CDKAL1: variants seen among roughly 807,000 people sequenced by gnomAD.
CDKAL1 encodes threonylcarbamoyladenosine tRNA methylthiotransferase.
A neutral mutation model predicts 68.2 loss-of-function variants in CDKAL1; 32 were observed. That is an observed-to-expected ratio of 0.47 (90% CI 0.35 to 0.63). CDKAL1 has a LOEUF of 0.63. Among genes scored for constraint, CDKAL1 ranks in the 30% least tolerant of loss-of-function variants. CDKAL1 has a pLI of 0.00. For missense variants in CDKAL1, 606 were observed against 696.7 expected, an observed-to-expected ratio of 0.87 and a Z score of 1.47; for synonymous variants, 234 against 244.3, an observed-to-expected ratio of 0.96 and a Z score of 0.39.
chr6:21,119,965 T>C (rs1774624812), intron 13 of CDKAL1, among the ~76,000 whole-genome samples: 2 of 152,216 alleles, frequency 1.3e-5, no homozygotes. Context: ...AGAGAGGCTT[T>C]TTTGTCCTGT....
intron 10 of CDKAL1, among the ~76,000 whole-genome samples, chr6:20,991,999 T>TTATACTTTTCCCCCACC (rs1766838414): frequency 6.7e-6 from 1 of 149,978 alleles, no homozygotes. Flanking sequence ...TAAGGAATTT[T>TTATACTTTTCCCCCACC]TATACTTTTC....
chr6:20,773,301 T>C (rs755005362), intron 7 of CDKAL1, among the ~76,000 whole-genome samples: 12 of 152,176 alleles, frequency 7.9e-5, no homozygotes, highest in Non-Finnish European at 1.5e-4. Flanking sequence ...TTCTAAGAAG[T>C]ACCTGTATAT....
intron 8 of CDKAL1, among the ~76,000 whole-genome samples, chr6:20,796,847 C>T (rs769918574): frequency 1.6e-4 from 24 of 152,168 alleles, no homozygotes; most frequent in Non-Finnish European, 2.5e-4. Context: ...CAAAAGGGAT[C>T]CAAGTTCAAA....
intron 9 of CDKAL1, among the ~76,000 whole-genome samples, chr6:20,886,713 T>C (rs1178628884): frequency 6.6e-6 from 1 of 152,044 alleles, no homozygotes; most frequent in Non-Finnish European, 1.5e-5. Context: ...AAGAAGTAGA[T>C]TAGAGGTTAC....
chr6:21,003,770 A>G (rs1373425122), intron 11 of CDKAL1, among the ~76,000 whole-genome samples: 1 of 152,092 alleles, frequency 6.6e-6, no homozygotes, highest in Non-Finnish European at 1.5e-5. Flanking sequence ...TCCAGCCTTT[A>G]TTAAAATTCA....
intron 12 of CDKAL1, among the ~76,000 whole-genome samples, chr6:21,097,837 T>C (rs903819429): frequency 6.6e-6 from 1 of 152,252 alleles, no homozygotes; most frequent in Non-Finnish European, 1.5e-5. Flanking sequence ...ACAATGATTG[T>C]CTTGAAGTAC....
chr6:20,753,736 A>T (rs1774036266), intron 6 of CDKAL1, among the ~76,000 whole-genome samples: 1 of 149,364 alleles, frequency 6.7e-6, no homozygotes, highest in Non-Finnish European at 1.5e-5. Flanking sequence ...TAATGCTATT[A>T]TGAACATTTG....
At chr6:20,541,393 C>T (rs1353254491) in intron 2 of CDKAL1, among the ~76,000 whole-genome samples, 1 of 152,156 alleles carries the variant, frequency 6.6e-6, no homozygotes, top group African/African-American at 2.4e-5. Flanking sequence ...TCTTATTAGG[C>T]TTCATTCCTT....
At chr6:20,779,481 T>A (rs939000311) in intron 7 of CDKAL1, among the ~76,000 whole-genome samples, 2 of 152,230 alleles carry the variant, frequency 1.3e-5, no homozygotes, top group Non-Finnish European at 2.9e-5. Flanking sequence ...AACACTTACA[T>A]CACCCCCCAA....
At chr6:20,995,266 A>G (rs1767040622) in intron 10 of CDKAL1, among the ~76,000 whole-genome samples, 1 of 152,068 alleles carries the variant, frequency 6.6e-6, no homozygotes, top group Non-Finnish European at 1.5e-5. Context: ...GTTTATATTG[A>G]TATTTTGTTC....
intron 4 of CDKAL1, among the ~76,000 whole-genome samples, chr6:20,569,230 A>G (rs1764601794): frequency 6.6e-6 from 1 of 152,218 alleles, no homozygotes; most frequent in Non-Finnish European, 1.5e-5. Flanking sequence ...AGACACTTTT[A>G]TGAGCCTCAC....
intron 12 of CDKAL1, among the ~76,000 whole-genome samples, chr6:21,094,315 A>G (rs909444479): frequency 2.6e-5 from 4 of 152,216 alleles, no homozygotes; most frequent in Admixed American, 6.5e-5. Flanking sequence ...TAAACTAAAA[A>G]GAGTTGAAGG....
intron 9 of CDKAL1, among the ~76,000 whole-genome samples, chr6:20,940,023 A>C (rs1763896651): frequency 6.6e-6 from 1 of 152,192 alleles, no homozygotes; most frequent in Non-Finnish European, 1.5e-5. Flanking sequence ...CAAAACTTTG[A>C]AGTATAGTTT....
chr6:21,011,297 T>C (rs2150840616), intron 11 of CDKAL1, among the ~76,000 whole-genome samples: 1 of 151,426 alleles, frequency 6.6e-6, no homozygotes, highest in Non-Finnish European at 1.5e-5. Flanking sequence ...TGCAGGAGAA[T>C]GGTGTGAACC....
chr6:20,923,326 C>T (rs1168026305), intron 9 of CDKAL1, among the ~76,000 whole-genome samples: 1 of 152,138 alleles, frequency 6.6e-6, no homozygotes, highest in Non-Finnish European at 1.5e-5. Context: ...TTGTGTCAAC[C>T]GTGCTTCAAG....
At chr6:21,019,914 T>A (rs1047085075) in intron 11 of CDKAL1, among the ~76,000 whole-genome samples, 3 of 152,018 alleles carry the variant, frequency 2.0e-5, no homozygotes, top group Non-Finnish European at 4.4e-5. Context: ...CTTTTTTTTT[T>A]ATACAGTGGC....
At chr6:20,817,151 G>A (rs552059091) in intron 8 of CDKAL1, among the ~76,000 whole-genome samples, 1 of 152,206 alleles carries the variant, frequency 6.6e-6, no homozygotes, top group South Asian at 2.1e-4. Context: ...GGTATAGTTG[G>A]AAGTAGAGCT....
chr6:20,962,100 T>G (rs1259961727), intron 10 of CDKAL1, among the ~76,000 whole-genome samples: 2 of 152,236 alleles, frequency 1.3e-5, no homozygotes, highest in Non-Finnish European at 2.9e-5. Context: ...TATTAAGGAC[T>G]ATTCCTATAT....
intron 9 of CDKAL1, among the ~76,000 whole-genome samples, chr6:20,847,461 A>T (rs547622982): frequency 4.3e-4 from 65 of 152,370 alleles, no homozygotes; most frequent in Middle Eastern, 3.4e-3. Flanking sequence ...TTAAACATAG[A>T]TGATCTATCT....
Sources: allele counts gnomAD v4.1 joint callset (sites outside exome capture counted in the v4.1 genomes callset), GRCh38; gene constraint gnomAD v4.1.1; transcripts MANE v1.5; gene names NCBI Gene and HGNC (gene_info 2026-07-23, HGNC 2026-07-21).